The following ZNF638 variants were observed in gnomAD, a reference collection of about 807,000 sequenced individuals.
ZNF638 encodes CTCL tumor antigen se33-1.
In ZNF638, 46 loss-of-function variants were observed where a neutral mutation model predicts 195.6. The observed-to-expected ratio is 0.24, with a 90% CI of 0.19 to 0.30. ZNF638 has a LOEUF of 0.30. ZNF638 is among the 10% of genes least tolerant of loss of function. The pLI, the probability that ZNF638 is intolerant of heterozygous loss-of-function variation, is 1.00. For missense variants in ZNF638, 2,440 were observed against 2,325.3 expected, an observed-to-expected ratio of 1.05 and a Z score of -1.01; for synonymous variants, 845 against 772.0, an observed-to-expected ratio of 1.09 and a Z score of -1.57.
At chr2:71,334,772 T>C (rs1235547587) in intron 1 of ZNF638, among the ~76,000 whole-genome samples, 3 of 151,652 alleles carry the variant, frequency 2.0e-5, no homozygotes, top group African/African-American at 7.3e-5. Flanking sequence ...AGAAAAAAAA[T>C]TAGCCGGGCG....
At position 71,349,728 on chromosome 2, in the gene ZNF638, A is replaced by G; in HGVS notation, c.774A>G (p.Ile258Met). Residue 258 changes from isoleucine (I) to methionine (M), a missense_variant, in exon 2 of 28, where the codon ATA (isoleucine) becomes ATG (methionine). Physicochemically the swap from Ile to Met is conservative, Grantham distance 10. Coordinates refer to ENST00000264447, the MANE Select transcript of ZNF638 (RefSeq NM_014497.5). ...CATCTGTTCCCAATCCAAATGTGATATGTAATTCTATGTTTCCTGTTGAAG... is the reference window on the plus strand; with the variant it reads ...CATCTGTTCCCAATCCAAATGTGATGTGTAATTCTATGTTTCCTGTTGAAG... Reference protein sequence around the residue: ...ISASVPNPNVICNSMFPVEDV... With the variant: ...ISASVPNPNVMCNSMFPVEDV... 1 of 1,614,204 alleles carries G rather than the reference A, an allele frequency of 6.2e-7. No individual in the cohort carries two copies. Among genetic ancestry groups the G allele is most frequent in the Non-Finnish European group, 8.5e-7 (1 of 1,180,038 alleles).
intron 10 of ZNF638, among the ~76,000 whole-genome samples, chr2:71,384,345 A>G (rs1461544900): frequency 2.0e-5 from 3 of 152,230 alleles, no homozygotes; most frequent in South Asian, 2.1e-4. Context: ...ACTTCTAGCA[A>G]CCAGTGGAAT....
intron 2 of ZNF638, among the ~76,000 whole-genome samples, chr2:71,354,873 T>C (rs1037988728): frequency 9.8e-5 from 15 of 152,360 alleles, no homozygotes; most frequent in African/African-American, 2.6e-4. Context: ...GTAGCATTTT[T>C]CCCCATGTTT....
At chr2:71,395,147 T>C in intron 10 of ZNF638, 1 of 683,202 alleles carries the variant, frequency 1.5e-6, no homozygotes, top group Non-Finnish European at 2.7e-6. Context: ...TATGGAAGGA[T>C]GTGCAAGAAC....
chr2:71,426,485 A>G lies in ZNF638; in HGVS notation c.4616A>G (p.Asp1539Gly). The G allele has an allele frequency of 1.3e-6, 2 of 1,574,966 alleles. No individual in the cohort carries two copies. Among genetic ancestry groups the G allele is most frequent in the Non-Finnish European group, 1.7e-6 (2 of 1,166,024 alleles). The change falls in exon 24 of 28, where the codon GAT (aspartate) becomes GGT (glycine). Residue 1539 changes from aspartate (D) to glycine (G), a missense_variant. Asp to Gly is a moderately conservative substitution (Grantham distance 94). Coordinates refer to ENST00000264447, the MANE Select transcript of ZNF638 (RefSeq NM_014497.5). ...KEEPLFPFNL[D>G]EFVTVDEVIE... ...GAGCCATTATTTCCATTTAATTTGG[A>G]TGAATTTGTTACTGTGGATGAGGTT...
At chr2:71,398,136 C>T (rs774656374) in intron 11 of ZNF638, among the ~76,000 whole-genome samples, 1 of 152,118 alleles carries the variant, frequency 6.6e-6, no homozygotes, top group East Asian at 1.9e-4. Flanking sequence ...ATTTTAAGTA[C>T]AGGTTGAGTA....
intron 1 of ZNF638, among the ~76,000 whole-genome samples, chr2:71,339,455 T>C (rs1259174684): frequency 1.3e-5 from 2 of 152,142 alleles, no homozygotes; most frequent in East Asian, 3.9e-4. Flanking sequence ...CCGGCCAGTT[T>C]AGGTATATTT....
intron 5 of ZNF638, among the ~76,000 whole-genome samples, chr2:71,364,953 A>G (rs2079170591): frequency 6.6e-6 from 1 of 152,204 alleles, no homozygotes; most frequent in Non-Finnish European, 1.5e-5. Context: ...TCTTCTTTTA[A>G]GCTCAACATT....
chr2:71,369,897 G>A lies in ZNF638; in HGVS notation c.2157G>A (p.Met719Ile). The stretch of plus-strand genomic sequence containing the variant: ...TTTCATTTTAGGCTTACCTAGAAAT[G>A]GAATTTAAAGAGGCAATTACTGCAA... ...VPYRKEAYLE[M>I]EFKEAITAIM... Residue 719 changes from methionine to isoleucine, a missense_variant, in exon 8 of 28, where the codon ATG (methionine) becomes ATA (isoleucine). Coordinates refer to ENST00000264447, the MANE Select transcript of ZNF638 (RefSeq NM_014497.5). 1 of 1,578,140 alleles carries A rather than the reference G, an allele frequency of 6.3e-7. No individual in the cohort carries two copies. Among genetic ancestry groups the A allele is most frequent in the Non-Finnish European group, 8.6e-7 (1 of 1,168,464 alleles).
intron 1 of ZNF638, among the ~76,000 whole-genome samples, chr2:71,343,784 C>A (rs1374049704): frequency 2.0e-5 from 3 of 152,110 alleles, no homozygotes; most frequent in Non-Finnish European, 4.4e-5. Flanking sequence ...CTCCCCTCTC[C>A]CCACCAAAAA....
intron 22 of ZNF638, 90 bp downstream of exon 22, chr2:71,424,128 C>G (rs2080486731): frequency 6.7e-7 from 1 of 1,484,886 alleles, no homozygotes; most frequent in African/African-American, 1.4e-5. Context: ...AATTTTGTTT[C>G]ATACTTTCAT....
chr2:71,426,682 G>A lies in ZNF638; in HGVS notation c.4813G>A (p.Gly1605Arg). 3.1e-6 allele frequency: 5 copies of A among 1,614,222 alleles called. No homozygotes were observed. Among genetic ancestry groups the A allele is most frequent in the Admixed American group, 1.7e-5 (1 of 60,026 alleles). ...ATCTTTTGTGACATTGGATGAGATT[G>A]GGGAAGAGGAAGATGCAGCTGCACA... is the stretch of plus-strand genomic sequence containing the variant. ...ELSFVTLDEI[G>R]EEEDAAAHLA... Residue 1605 changes from glycine (G) to arginine (R), a missense_variant, in exon 24 of 28, where the codon GGG (glycine) becomes AGG (arginine). This residue lies in a region of ZNF638 where 1,883 missense variants were observed against 1,739.1 expected (regional missense o/e 1.08). Transcript: ENST00000264447.
chr2:71,368,532 A>T lies in ZNF638; in HGVS notation c.2142+4A>T. On this transcript the variant is annotated splice_donor_region_variant and intron_variant, in intron 7 of 27. Coordinates refer to ENST00000264447, the MANE Select transcript of ZNF638 (RefSeq NM_014497.5). ...AATTGTTCCATATAGAAAAGAGGTG[A>T]GTCATTTAGTCTGTGGCAAAAATTC... 6.2e-7 allele frequency: 1 copy of T among 1,608,244 alleles called. No individual in the cohort carries two copies. The highest frequency in any genetic ancestry group is 1.1e-5 in the South Asian group (1 of 89,864).
intron 2 of ZNF638, among the ~76,000 whole-genome samples, chr2:71,352,871 GAGGAA>G (rs1433946930): frequency 1.3e-5 from 2 of 152,134 alleles, no homozygotes; most frequent in African/African-American, 2.4e-5. Flanking sequence ...AAAAATTTGA[GAGGAA>G]AGGAAATCAT....
In ZNF638 at chr2:71,399,708, T is replaced by C. The variant is rs2079967328; in HGVS notation, c.2587+63T>C. The C allele has an allele frequency of 3.7e-6, 5 of 1,362,778 alleles. No individual in the cohort carries two copies. The Middle Eastern group carries it at 5.5e-4, about 150-fold the overall frequency. 84.4% of individuals were successfully genotyped at this position (1,362,778 alleles called of 1,614,324 possible). A position where few individuals can be genotyped will look rare whatever the true frequency, so the allele number is the denominator to read the frequency against. ...TTTTCTTTTTTTTAACTTTTTAAGT[T>C]CAGGGGTACATGTGCAGGTTTCTTA... is the stretch of plus-strand genomic sequence containing the variant. On this transcript the variant is annotated intron_variant, in intron 13 of 27. Transcript: ENST00000264447.
chr2:71,347,734 G>T (rs1355595829), intron 1 of ZNF638, among the ~76,000 whole-genome samples: 1 of 152,170 alleles, frequency 6.6e-6, no homozygotes, highest in Non-Finnish European at 1.5e-5. Flanking sequence ...AGTGTTGAAG[G>T]GGGTAGTACA....
intron 20 of ZNF638, 130 bp downstream of exon 20, chr2:71,408,377 T>C: frequency 8.6e-7 from 1 of 1,161,708 alleles, no homozygotes; most frequent in East Asian, 2.7e-5. Flanking sequence ...CAATCAGTGT[T>C]CCAATTTTCA....
At chr2:71,346,043 C>T (rs567208406) in intron 1 of ZNF638, among the ~76,000 whole-genome samples, 4 of 152,246 alleles carry the variant, frequency 2.6e-5, no homozygotes, top group Admixed American at 2.6e-4. Context: ...ACATTTTTGC[C>T]TTTAAGGAAT....
chr2:71,398,344 G>A (rs2079938255), intron 11 of ZNF638, among the ~76,000 whole-genome samples: 1 of 152,076 alleles, frequency 6.6e-6, no homozygotes, highest in Non-Finnish European at 1.5e-5. Context: ...ATAATTTTGT[G>A]CATGAAACAG....
Sources: gnomAD v4.1 joint callset for allele counts (sites outside exome capture counted in the v4.1 genomes callset) on GRCh38, gnomAD v4.1.1 for gene constraint, gnomAD v4.1.1 regional missense constraint, MANE v1.5 for transcripts, NCBI Gene and HGNC (gene_info 2026-07-23, HGNC 2026-07-21) for gene names.